The following LCT variants were observed in gnomAD, a reference collection of about 807,000 sequenced individuals.
LCT encodes lactase/phlorizin hydrolase.
LCT carries 90 observed loss-of-function variants against 173.0 expected under a neutral mutation model. The ratio of observed to expected loss-of-function variants is 0.52; its 90% CI spans 0.44 to 0.62. The LOEUF (loss-of-function observed/expected upper bound fraction) is 0.62, where lower values mean the gene tolerates loss of function less well. Among genes scored for constraint, LCT ranks in the 20% least tolerant of loss-of-function variants. The probability of loss-of-function intolerance (pLI) is 0.00; values close to 1 mark genes in which losing one functional copy is unlikely to be tolerated. For missense variants in LCT, 1,864 were observed against 2,431.4 expected, an observed-to-expected ratio of 0.77 and a Z score of 4.91; for synonymous variants, 853 against 957.6, an observed-to-expected ratio of 0.89 and a Z score of 2.02.
intron 2 of LCT, 88 bp from the exon 3 acceptor site, chr2:135,829,764 C>A: frequency 1.1e-6 from 1 of 889,522 alleles, no homozygotes; most frequent in East Asian, 2.5e-5. Flanking sequence ...TGTTTCTCCC[C>A]TTATCACTAA....
intron 5 of LCT, among the ~76,000 whole-genome samples, chr2:135,818,596 T>C (rs7564577): frequency 0.73 from 111,275 of 152,112 alleles, 42,759 homozygotes; most frequent in Non-Finnish European, 0.88. Context: ...TCCCAGCACT[T>C]TGGGAGGCCG....
Position 135,817,770 on chromosome 2 carries a change from C to G in LCT, c.1278G>C (p.Leu426=). The G allele has an allele frequency of 3.1e-6, 5 of 1,613,994 alleles. No individual in the cohort carries two copies. Among genetic ancestry groups the G allele is most frequent in the Non-Finnish European group, 3.4e-6 (4 of 1,180,020 alleles). Residue 426 remains leucine, a synonymous_variant, in exon 6 of 17, where the codon CTG becomes CTC. Coordinates refer to ENST00000264162, the MANE Select transcript of LCT (RefSeq NM_002299.4). The part of the protein sequence containing the change: ...PLNTTEGQAT[L]EVASDSYHKV... ...TGTGGTAACTGTCGCTGGCCACCTC[C>G]AGCGTCGCTTGGCCCTCAGTGGTGT...
intron 12 of LCT, among the ~76,000 whole-genome samples, chr2:135,798,400 AC>A (rs1327342136): frequency 6.6e-6 from 1 of 152,118 alleles, no homozygotes; most frequent in Non-Finnish European, 1.5e-5. Flanking sequence ...ACAGTAACTG[AC>A]CTGGGCACTG....
chr2:135,817,957 T>C lies in LCT; in HGVS notation c.1091A>G (p.Glu364Gly). The stretch of plus-strand genomic sequence containing the variant: ...CGCCCTGGACTGATTGGCAAATGCT[T>C]CCCAGATTCTCTGATAGGCAGAGGC... ...SPASAYQRIWEAFANQSRAER... is the reference protein window; with the variant it reads ...SPASAYQRIWGAFANQSRAER... Residue 364 changes from glutamate (E) to glycine (G), a missense_variant, in exon 6 of 17, where the codon GAA becomes GGA. This residue lies in a region of LCT where 412 missense variants were observed against 462.0 expected (regional missense o/e 0.89). Coordinates refer to ENST00000264162, the MANE Select transcript of LCT (RefSeq NM_002299.4). 1 of 1,613,864 alleles carries C rather than the reference T, an allele frequency of 6.2e-7. No homozygotes were observed. The highest frequency in any genetic ancestry group is 8.5e-7 in the Non-Finnish European group (1 of 1,179,992).
chr2:135,836,566 C>G lies in LCT; in HGVS notation c.604G>C (p.Ala202Pro). The G allele has an allele frequency of 6.2e-7, 1 of 1,614,100 alleles. No individual in the cohort carries two copies. The highest frequency in any genetic ancestry group is 8.5e-7 in the Non-Finnish European group (1 of 1,179,996). ...LQTLSDAHRK[A>P]YEIYHESYAF... ...TAGCTTTCGTGGTAAATCTCATAGG[C>G]TTTTCTGTGGGCATCACTGAGGGTC... Residue 202 changes from alanine to proline, a missense_variant, in exon 1 of 17, where the codon GCC (alanine) becomes CCC (proline). By Grantham distance (27) the Ala-to-Pro change is conservative. This residue lies in a region of LCT where 412 missense variants were observed against 462.0 expected (regional missense o/e 0.89). Transcript: ENST00000264162.
In LCT at chr2:135,805,046, C is replaced by A; in HGVS notation, c.4185G>T (p.Ala1395=). 1.2e-6 allele frequency: 2 copies of A among 1,614,162 alleles called. No homozygotes were observed. The highest frequency in any genetic ancestry group is 1.7e-6 in the Non-Finnish European group (2 of 1,179,988). Residue 1395 remains alanine, a synonymous_variant, in exon 10 of 17, where the codon GCG becomes GCT. Coordinates refer to ENST00000264162, the MANE Select transcript of LCT (RefSeq NM_002299.4). ...TGAGTCCTTTGCCATCTGCTCTCCA[C>A]GCACCTTCAATCTCAAGATGACAAG... ...AASAAYQIEG[A]WRADGKGLSI...
At chr2:135,802,797 C>A (rs904169169) in intron 11 of LCT, among the ~76,000 whole-genome samples, 2 of 152,120 alleles carry the variant, frequency 1.3e-5, no homozygotes, top group Non-Finnish European at 2.9e-5. Flanking sequence ...TGATGTGTGG[C>A]ACTGTAGAGT....
rs139312810 is a variant in LCT at position 135,836,800 on chromosome 2, G to T, written c.370C>A (p.Arg124=). 1 of 1,614,194 alleles carries T rather than the reference G, an allele frequency of 6.2e-7. No individual in the cohort carries two copies. The highest frequency in any genetic ancestry group is 8.5e-7 in the Non-Finnish European group (1 of 1,180,026). Residue 124 remains arginine, a synonymous_variant, in exon 1 of 17, where the codon CGG becomes AGG. Transcript: ENST00000264162. ...RRLLKALKTA[R]LQPMVILHHQ... is the part of the protein sequence containing the mutation. ...TGCAGGATGACCATGGGCTGAAGCC[G>T]TGCAGTCTTGAGGGCCTTGAGGAGT...
chr2:135,830,230 TCCTCTTTAGCAGAGACAAC>T (rs2077924780), intron 2 of LCT, among the ~76,000 whole-genome samples: 1 of 152,078 alleles, frequency 6.6e-6, no homozygotes, highest in Non-Finnish European at 1.5e-5. Context: ...ACTGGGGACT[TCCTCTTTAGCAGAGACAAC>T]CCTCATGGTC....
intron 13 of LCT, among the ~76,000 whole-genome samples, chr2:135,795,995 A>C (rs2077579049): frequency 6.6e-6 from 1 of 152,208 alleles, no homozygotes; most frequent in African/African-American, 2.4e-5. Context: ...TCCTGGTCTC[A>C]AGCAATCCTC....
Position 135,794,777 on chromosome 2 carries a change from T to C in LCT, c.4977-2A>G. ...TCACTCTCTGTAAATTCTGGCAGCCTGGGTGGAAGAAGCCATTGAGGGCAG... is the reference window on the plus strand; with the variant it reads ...TCACTCTCTGTAAATTCTGGCAGCCCGGGTGGAAGAAGCCATTGAGGGCAG... On this transcript the variant is annotated splice_acceptor_variant, in intron 13 of 16. Coordinates refer to ENST00000264162, the MANE Select transcript of LCT (RefSeq NM_002299.4). LOFTEE classifies it high-confidence loss of function. 1 of 1,614,138 alleles carries C rather than the reference T, an allele frequency of 6.2e-7. No individual in the cohort carries two copies. The highest frequency in any genetic ancestry group is 8.5e-7 in the Non-Finnish European group (1 of 1,180,010).
At chr2:135,797,868 G>A (rs2077594929) in intron 13 of LCT, among the ~76,000 whole-genome samples, 161 bp downstream of exon 13, 1 of 152,178 alleles carries the variant, frequency 6.6e-6, no homozygotes, top group Non-Finnish European at 1.5e-5. Context: ...AAACCCCTCT[G>A]TCAAGCATAT....
rs1254909656 is a variant in LCT, at chr2:135,836,761, G to C, written c.409C>G (p.Pro137Ala). 1 of 1,614,196 alleles carries C rather than the reference G, an allele frequency of 6.2e-7. No individual in the cohort carries two copies. Among genetic ancestry groups the C allele is most frequent in the Admixed American group, 1.7e-5 (1 of 60,024 alleles). The change falls in exon 1 of 17, where the codon CCT becomes GCT. Residue 137 changes from proline (P) to alanine (A), a missense_variant. Physicochemically the swap from Pro to Ala is conservative, Grantham distance 27. Around this residue, in one of 4 missense-constraint regions of LCT, gnomAD observed 412 missense variants for 462.0 expected, o/e 0.89. Coordinates refer to ENST00000264162, the MANE Select transcript of LCT (RefSeq NM_002299.4). ...TCGGTTCTCCGGAGGGTGCTGGCAGGGAGGGTCTGGTGGTGCAGGATGACC... is the reference window on the plus strand; with the variant it reads ...TCGGTTCTCCGGAGGGTGCTGGCAGCGAGGGTCTGGTGGTGCAGGATGACC... ...PMVILHHQTLPASTLRRTEAF... is the reference protein window; with the variant it reads ...PMVILHHQTLAASTLRRTEAF...
chr2:135,812,777 G>T lies in LCT; in HGVS notation c.1887C>A (p.Gly629=), dbSNP rs745940510. The change falls in exon 7 of 17, where the codon GGC becomes GGA. Residue 629 remains glycine, a synonymous_variant. Transcript: ENST00000264162. The stretch of plus-strand genomic sequence containing the variant: ...CCACAAAGACGGGGTGTGCAAACCA[G>T]CCCAGCATGAAGTGCAAGAAGCGCT... ...ASERFLHFML[G]WFAHPVFVDG... is the part of the protein sequence containing the mutation. The T allele has an allele frequency of 1.2e-6, 2 of 1,614,170 alleles. No homozygotes were observed. The highest frequency in any genetic ancestry group is 1.7e-5 in the Admixed American group (1 of 60,020).
intron 6 of LCT, among the ~76,000 whole-genome samples, chr2:135,815,682 GTATTAT>G (rs57008352): frequency 6.6e-6 from 1 of 150,708 alleles, no homozygotes; most frequent in Admixed American, 6.6e-5. Flanking sequence ...ACAGGAAATA[GTATTAT>G]TATTATTATT....
In LCT at chr2:135,812,303, G is replaced by T. The variant is rs2077740844; in HGVS notation, c.2353+8C>A. 2 of 1,609,840 alleles carry T rather than the reference G, an allele frequency of 1.2e-6. No individual in the cohort carries two copies. Among genetic ancestry groups the T allele is most frequent in the African/African-American group, 2.7e-5 (2 of 74,848 alleles). ...CCTTCCAATCACTGGCACATCCATT[G>T]TTCTTACCCTTGAGCACCTCATTGA... On this transcript the variant is annotated splice_region_variant and intron_variant, in intron 7 of 16. Transcript: ENST00000264162.
chr2:135,804,450 G>A (rs1350673782), intron 10 of LCT, among the ~76,000 whole-genome samples: 4 of 152,150 alleles, frequency 2.6e-5, no homozygotes, highest in Non-Finnish European at 5.9e-5. Context: ...GGGAGGCCGA[G>A]GCGGGTGGAT....
intron 15 of LCT, 117 bp from the exon 16 acceptor site, chr2:135,789,915 A>G: frequency 8.5e-6 from 7 of 825,668 alleles, no homozygotes; most frequent in Non-Finnish European, 1.3e-5. Flanking sequence ...AGATGGCGGT[A>G]AGCTTTGGCT....
intron 9 of LCT, 78 bp from the exon 10 acceptor site, chr2:135,805,135 T>C: frequency 7.4e-7 from 1 of 1,347,458 alleles, no homozygotes; most frequent in Non-Finnish European, 1.1e-6. Flanking sequence ...TGGGTGAGTC[T>C]CAAGTCAGGA....
Sources: gnomAD v4.1 joint callset for allele counts (sites outside exome capture counted in the v4.1 genomes callset) on GRCh38, gnomAD v4.1.1 for gene constraint, gnomAD v4.1.1 regional missense constraint, MANE v1.5 for transcripts, NCBI Gene and HGNC (gene_info 2026-07-23, HGNC 2026-07-21) for gene names.